ZC3H7A: variants seen among roughly 807,000 people sequenced by gnomAD.
ZC3H7A encodes zinc finger CCCH-type containing 7A.
ZC3H7A carries 44 observed loss-of-function variants against 125.5 expected under a neutral mutation model. The ratio of observed to expected loss-of-function variants is 0.35; its 90% confidence interval spans 0.28 to 0.45. The LOEUF (loss-of-function observed/expected upper bound fraction) is 0.45. Ranked by LOEUF, ZC3H7A falls within the 20% of genes least tolerant of loss-of-function variation. The pLI is 1.00. For missense variants in ZC3H7A, 977 were observed against 1,170.7 expected (o/e 0.83, Z 2.41); for synonymous variants, 399 against 391.2 (o/e 1.02, Z -0.23).
chr16:11,779,636 C>T (rs1303682733), intron 3 of ZC3H7A, among the ~76,000 whole-genome samples: 1 of 152,142 alleles, frequency 6.6e-6, no homozygotes, highest in African/African-American at 2.4e-5. Context: ...ATTCTGTGCC[C>T]GCTAGAGAAA....
intron 7 of ZC3H7A, among the ~76,000 whole-genome samples, chr16:11,775,835 T>C (rs1596394539): frequency 6.6e-6 from 1 of 152,132 alleles, no homozygotes; most frequent in East Asian, 1.9e-4. Context: ...TAAAATATAT[T>C]ACTTGAGTTG....
At chr16:11,777,197 T>C (rs946340641) in intron 4 of ZC3H7A, among the ~76,000 whole-genome samples, 2 of 152,228 alleles carry the variant, frequency 1.3e-5, no homozygotes, top group Non-Finnish European at 1.5e-5. Context: ...CAGACCTAAC[T>C]GATGTCCCCA....
At chr16:11,777,020 A>T (rs182797121) in intron 4 of ZC3H7A, 111 bp from the exon 5 acceptor site, 1 of 780,554 alleles carries the variant, frequency 1.3e-6, no homozygotes, top group African/African-American at 1.8e-5. Flanking sequence ...CCCTCCCTCT[A>T]AACTCCAAGT....
At chr16:11,776,409 T>C (rs2053081020) in intron 6 of ZC3H7A, 43 bp downstream of exon 6, 1 of 1,601,900 alleles carries the variant, frequency 6.2e-7, no homozygotes, top group South Asian at 1.1e-5. Context: ...CTCCAAGTTC[T>C]AAAACAAAAT....
rs563061596 is a variant in ZC3H7A at position 11,789,646 on chromosome 16, A to C, written c.-34-7258T>G. Among the ~76,000 whole-genome samples, 3 of 152,334 alleles carry C rather than the reference A, an allele frequency of 2.0e-5. No homozygotes were observed. The South Asian group carries it at 6.2e-4, about 32-fold the overall frequency. ...GTATCTAATCAGTGTGTTCGTTTTC[A>C]AAACACACAGCGTTCCATGATATGG... On this transcript the variant is annotated intron_variant, in intron 1 of 22. Transcript: ENST00000355758.
chr16:11,788,774 C>G (rs367813037), intron 1 of ZC3H7A, among the ~76,000 whole-genome samples: 7 of 152,160 alleles, frequency 4.6e-5, no homozygotes, highest in African/African-American at 1.7e-4. Flanking sequence ...CCAGCACACC[C>G]AGCTAATTTT....
At position 11,762,745 on chromosome 16, in the gene ZC3H7A, T is replaced by C. The variant is rs190034095; in HGVS notation, c.2005A>G (p.Ile669Val). ...KVWIMQNETG[I>V]SHDAIAQESK... ...TCTTGAGCAATAGCATCATGTGAGA[T>C]ACCTGGGGAATGTACAAGCCTTCCT... Residue 669 changes from isoleucine to valine, a missense_variant and splice_region_variant, in exon 17 of 23, where the codon ATC becomes GTC. By Grantham distance (29) the Ile-to-Val change is conservative. Transcript: ENST00000355758. 8.1e-5 allele frequency: 130 copies of C among 1,613,678 alleles called. 1 individual carries two copies. The East Asian group carries it at 2.7e-3, about 34-fold the overall frequency.
chr16:11,757,793 G>C (rs974780220), intron 20 of ZC3H7A, among the ~76,000 whole-genome samples: 4 of 152,202 alleles, frequency 2.6e-5, no homozygotes, highest in African/African-American at 4.8e-5. Flanking sequence ...CTATGTGGTT[G>C]AAACATGGCA....
chr16:11,773,992 C>A (rs887882434), intron 9 of ZC3H7A, among the ~76,000 whole-genome samples: 2 of 151,804 alleles, frequency 1.3e-5, no homozygotes, highest in African/African-American at 2.4e-5. Flanking sequence ...TTGCCCTTTC[C>A]ATAATATGAG....
chr16:11,782,933 G>T (rs551182488), intron 1 of ZC3H7A: 38 of 153,056 alleles, frequency 2.5e-4, no homozygotes, highest in African/African-American at 9.1e-4. Flanking sequence ...ATTCTTTAAG[G>T]CTGAATGGCT....
intron 1 of ZC3H7A, chr16:11,796,451 G>C (rs937353506): frequency 6.6e-6 from 1 of 152,528 alleles, no homozygotes; most frequent in Non-Finnish European, 1.5e-5. Flanking sequence ...CCCAACTCCT[G>C]GCAAATCCAC....
intron 1 of ZC3H7A, among the ~76,000 whole-genome samples, chr16:11,791,652 T>C (rs116719545): frequency 0.017 from 2,625 of 152,244 alleles, 43 homozygotes; most frequent in African/African-American, 0.035. Context: ...GGTAAAACCA[T>C]TCACAAGAAG....
chr16:11,752,906 G>A (rs968326025), intron 21 of ZC3H7A, 74 bp from the exon 22 acceptor site: 5 of 1,543,730 alleles, frequency 3.2e-6, no homozygotes, highest in Non-Finnish European at 4.4e-6. Context: ...GGGAGCCCAG[G>A]CTGGTGGGAG....
At chr16:11,755,846 G>A (rs930912536) in intron 21 of ZC3H7A, among the ~76,000 whole-genome samples, 15 of 152,116 alleles carry the variant, frequency 9.9e-5, no homozygotes, top group African/African-American at 3.4e-4. Flanking sequence ...AGTGAGTGAC[G>A]GAGCCGGGTT....
At chr16:11,752,472 T>A (rs570633137) in intron 22 of ZC3H7A, among the ~76,000 whole-genome samples, 197 bp downstream of exon 22, 1 of 152,202 alleles carries the variant, frequency 6.6e-6, no homozygotes, top group African/African-American at 2.4e-5. Context: ...AATCTTTTCA[T>A]ATAACCTAAG....
intron 21 of ZC3H7A, among the ~76,000 whole-genome samples, chr16:11,755,081 C>T (rs750481263): frequency 2.0e-5 from 3 of 150,022 alleles, no homozygotes; most frequent in Admixed American, 6.7e-5. Flanking sequence ...TGGTGGCAGG[C>T]GCCTATAATC....
intron 15 of ZC3H7A, among the ~76,000 whole-genome samples, chr16:11,764,706 A>C (rs9936740): frequency 0.038 from 5,801 of 152,206 alleles, 394 homozygotes; most frequent in African/African-American, 0.13. Context: ...TGGGTGACAG[A>C]GCGAGACTCT....
intron 1 of ZC3H7A, chr16:11,796,917 C>G (rs1000675610): frequency 1.3e-5 from 2 of 150,474 alleles, no homozygotes; most frequent in Non-Finnish European, 3.0e-5. Flanking sequence ...GGCGCGCCCA[C>G]CCGTCCCTCC....
At chr16:11,785,386 G>A (rs1481000366) in intron 1 of ZC3H7A, among the ~76,000 whole-genome samples, 1 of 151,702 alleles carries the variant, frequency 6.6e-6, no homozygotes, top group East Asian at 1.9e-4. Context: ...CGTACCAGTA[G>A]TCCCAGCTAC....
Sources: gnomAD v4.1 joint callset for allele counts (sites outside exome capture counted in the v4.1 genomes callset) on GRCh38, gnomAD v4.1.1 for gene constraint, MANE v1.5 for transcripts, NCBI Gene and HGNC (gene_info 2026-07-23, HGNC 2026-07-21) for gene names.